Variants in SYCE1 observed in about 807,000 individuals in gnomAD.
SYCE1 encodes cancer/testis antigen 76.
SYCE1 carries 37 observed loss-of-function variants against 55.1 expected under a neutral mutation model. The observed-to-expected ratio is 0.67, with a 90% CI of 0.52 to 0.88. The LOEUF is 0.88. SYCE1 is among the 40% of genes least tolerant of loss of function. The probability of loss-of-function intolerance (pLI) is 0.00; values close to 1 mark genes in which losing one functional copy is unlikely to be tolerated. For synonymous variants in SYCE1, 163 were observed against 159.4 expected (o/e 1.02, Z -0.17); for missense variants, 399 against 416.4 (o/e 0.96, Z 0.36).
chr10:133,556,911 T>G, intron 7 of SYCE1, 89 bp from the exon 8 acceptor site: 4 of 1,556,764 alleles, frequency 2.6e-6, no homozygotes, highest in Non-Finnish European at 3.5e-6. Flanking sequence ...AGGCAGATTT[T>G]GGGGTGCTTT....
rs1418600412 is a variant in SYCE1, at chr10:133,555,491, G to A, written c.831-53C>T. ...AGGAAGAGGAGGAAAGGGTGGAGGA[G>A]GGACAAGAGGTTTTCAAGAGTCAGA... On this transcript the variant is annotated intron_variant, in intron 11 of 12. Transcript: ENST00000343131. The A allele has an allele frequency of 5.0e-6, 8 of 1,611,832 alleles. No homozygotes were observed. The African/African-American group carries it at 5.3e-5, about 11-fold the overall frequency.
Position 133,554,989 on chromosome 10 carries a change from G to A in SYCE1, c.*3C>T, listed in dbSNP as rs1564854487. 2.6e-6 allele frequency: 4 copies of A among 1,543,378 alleles called. No individual in the cohort carries two copies. In the Admixed American group the frequency reaches 6.0e-5, roughly 23 times the overall value. On this transcript the variant is annotated 3_prime_UTR_variant, in exon 13 of 13. Coordinates refer to ENST00000343131, the MANE Select transcript of SYCE1 (RefSeq NM_001143764.3). ...CTACTCCTCACCAGTAGACTTAGCT[G>A]TATCAAAATAGCTCCTTTATTTCCT... is the stretch of plus-strand genomic sequence containing the variant.
At chr10:133,561,234 T>C (rs534525439) in intron 1 of SYCE1, 1 of 152,284 alleles carries the variant, frequency 6.6e-6, no homozygotes, top group East Asian at 1.9e-4. Flanking sequence ...TGTCTCAGAT[T>C]TTTGGGTTTC....
upstream of SYCE1, among the ~76,000 whole-genome samples, chr10:133,567,097 T>C (rs1589974879): frequency 6.6e-6 from 1 of 151,136 alleles, no homozygotes; most frequent in African/African-American, 2.4e-5. Flanking sequence ...AGGGTAGGGG[T>C]TAGGTGTAGG....
chr10:133,564,052 C>T (rs1444025308), intron 1 of SYCE1, among the ~76,000 whole-genome samples: 4 of 149,476 alleles, frequency 2.7e-5, no homozygotes, highest in Admixed American at 6.7e-5. Context: ...TCTTCTGTAG[C>T]TGGTCACTAT....
chr10:133,563,377 T>TA (rs1851858505), intron 1 of SYCE1, among the ~76,000 whole-genome samples: 1 of 152,080 alleles, frequency 6.6e-6, no homozygotes, highest in Non-Finnish European at 1.5e-5. Flanking sequence ...TTACAGCCAT[T>TA]AAAAATCATG....
upstream of SYCE1, chr10:133,567,687 GGTT>G (rs1452144921): frequency 1.8e-5 from 4 of 217,254 alleles, no homozygotes; most frequent in Non-Finnish European, 3.8e-5. Context: ...CCTGTCCATG[GGTT>G]ACCACGGCCC....
chr10:133,559,711 A>G (rs1851777253), intron 2 of SYCE1: 5 of 413,982 alleles, frequency 1.2e-5, no homozygotes, highest in South Asian at 7.6e-5. Context: ...GTTGGGAGGT[A>G]GTCAGTGCAA....
chr10:133,564,583 G>A (rs1851883359), intron 1 of SYCE1, among the ~76,000 whole-genome samples: 1 of 152,150 alleles, frequency 6.6e-6, no homozygotes, highest in Non-Finnish European at 1.5e-5. Flanking sequence ...TGCTAAGCTT[G>A]TTTCAGTATT....
At chr10:133,568,160 G>T (rs1336281335), upstream of SYCE1, 44 of 907,524 alleles carry the variant, frequency 4.8e-5, no homozygotes, top group East Asian at 1.0e-3. Context: ...CAGGCCGCCC[G>T]TGGGTCCAGC....
chr10:133,560,369 G>A (rs2133624129), intron 1 of SYCE1: 1 of 453,782 alleles, frequency 2.2e-6, no homozygotes, highest in Middle Eastern at 5.8e-4. Context: ...AAAACTCTGG[G>A]TGAGGGCAGG....
intron 8 of SYCE1, chr10:133,556,421 A>T (rs1488405366): frequency 1.9e-6 from 1 of 518,014 alleles, no homozygotes; most frequent in Non-Finnish European, 3.5e-6. Flanking sequence ...CCTTCCTGAC[A>T]CTCACTGTCT....
Position 133,558,862 on chromosome 10 carries a change from C to A in SYCE1, c.271+15G>T, listed in dbSNP as rs761540900. ...GACACTGTGGGGACCTCTGGGTGAC[C>A]CCCGGCTCTCTTACGCGAGTCCAGT... On this transcript the variant is annotated intron_variant, in intron 4 of 12. Transcript: ENST00000343131. 6.2e-7 allele frequency: 1 copy of A among 1,613,182 alleles called. No individual in the cohort carries two copies. The highest frequency in any genetic ancestry group is 8.5e-7 in the Non-Finnish European group (1 of 1,179,718).
At chr10:133,554,209 C>G, downstream of SYCE1, 1 of 1,349,920 alleles carries the variant, frequency 7.4e-7, no homozygotes, top group Non-Finnish European at 1.1e-6. Flanking sequence ...ACTCGTCTGT[C>G]CTGGACTGAC....
intron 1 of SYCE1, chr10:133,561,062 A>G (rs888392541): frequency 1.3e-5 from 2 of 152,122 alleles, no homozygotes; most frequent in Non-Finnish European, 2.9e-5. Flanking sequence ...TTCATCTTAC[A>G]TATGTTGATT....
At position 133,557,690 on chromosome 10, in the gene SYCE1, T is replaced by A. The variant is rs8181437; in HGVS notation, c.374+174A>T. Reference sequence around the variant, plus strand: ...TGAATGTCTTGCCATTGAGAGAGTTTCCCTTAACACTACTGCCAGCTGTTG... The same window carrying A: ...TGAATGTCTTGCCATTGAGAGAGTTACCCTTAACACTACTGCCAGCTGTTG... On this transcript the variant is annotated intron_variant, in intron 6 of 12. Coordinates refer to ENST00000343131, the MANE Select transcript of SYCE1 (RefSeq NM_001143764.3). The A allele has an allele frequency of 0.11, 73,082 of 649,888 alleles. 5,026 individuals are homozygous for A. The highest frequency in any genetic ancestry group is 0.27 in the East Asian group (9,784 of 36,418). The allele number at this position is 649,888 out of a possible 1,614,324, so 40.3% of individuals were successfully genotyped here. A position where few individuals can be genotyped will look rare whatever the true frequency, so the allele number is the denominator to read the frequency against.
chr10:133,555,286 C>T (rs1371329802), intron 12 of SYCE1, 65 bp downstream of exon 12: 7 of 1,605,528 alleles, frequency 4.4e-6, no homozygotes, highest in African/African-American at 1.3e-5. Context: ...CCCTTGTCCT[C>T]CCGCCCCTTC....
intron 2 of SYCE1, chr10:133,559,617 G>A (rs1329108973): frequency 6.0e-6 from 3 of 498,206 alleles, no homozygotes; most frequent in African/African-American, 3.9e-5. Context: ...GCAAAGGAGT[G>A]GGAAGTGCTC....
At chr10:133,566,147 C>G (rs917511540), upstream of SYCE1, among the ~76,000 whole-genome samples, 11 of 152,220 alleles carry the variant, frequency 7.2e-5, no homozygotes, top group African/African-American at 2.7e-4. Context: ...CTGCACGGTC[C>G]CTGCCGCGCT....
Sources: gnomAD v4.1 joint callset for allele counts (sites outside exome capture counted in the v4.1 genomes callset) on GRCh38, gnomAD v4.1.1 for gene constraint, MANE v1.5 for transcripts, NCBI Gene and HGNC (gene_info 2026-07-23, HGNC 2026-07-21) for gene names.